Variants in EFCAB6 observed in about 807,000 individuals in gnomAD.
EFCAB6 encodes EF-hand calcium-binding domain-containing protein 6.
Under a neutral mutation model 169.8 loss-of-function variants are expected in EFCAB6, and 156 were observed. The ratio of observed to expected loss-of-function variants is 0.92; its 90% CI spans 0.81 to 1.05. The LOEUF (loss-of-function observed/expected upper bound fraction) is 1.05, where lower values mean the gene tolerates loss of function less well. Ranked by LOEUF, EFCAB6 falls within the 50% of genes least tolerant of loss-of-function variation. EFCAB6 has a pLI of 0.00. For synonymous variants in EFCAB6, 698 were observed against 676.4 expected (o/e 1.03, Z -0.50); for missense variants, 1,800 against 1,829.1 (o/e 0.98, Z 0.29).
chr22:43,590,602 G>A (rs1330675402), intron 23 of EFCAB6, among the ~76,000 whole-genome samples: 1 of 152,190 alleles, frequency 6.6e-6, no homozygotes, highest in Non-Finnish European at 1.5e-5. Context: ...CCTATGACAT[G>A]CCAGATGCTC....
intron 2 of EFCAB6, chr22:43,802,585 C>T (rs940875635): frequency 9.4e-6 from 4 of 424,342 alleles, no homozygotes; most frequent in African/African-American, 6.3e-5. Flanking sequence ...GATCTGCAAG[C>T]TTGTCTGCTA....
chr22:43,705,222 T>C (rs1314588731), intron 10 of EFCAB6, among the ~76,000 whole-genome samples: 2 of 152,090 alleles, frequency 1.3e-5, no homozygotes, highest in African/African-American at 2.4e-5. Flanking sequence ...CACCTAAATA[T>C]ATAAAGCAAA....
At chr22:43,734,094 A>G (rs1314442554) in intron 7 of EFCAB6, among the ~76,000 whole-genome samples, 5 of 152,134 alleles carry the variant, frequency 3.3e-5, no homozygotes. Context: ...GAGAGCACAG[A>G]CTTCACCTCC....
At position 43,632,107 on chromosome 22, in the gene EFCAB6, G is replaced by A. The variant is rs779631440; in HGVS notation, c.2230C>T (p.Arg744Trp). 3.3e-5 allele frequency: 53 copies of A among 1,613,688 alleles called. No homozygotes were observed. The highest frequency in any genetic ancestry group is 2.5e-4 in the Admixed American group (15 of 59,960). The change falls in exon 19 of 32, where the codon CGG becomes TGG. Residue 744 changes from arginine (R) to tryptophan (W), a missense_variant and splice_region_variant. Coordinates refer to ENST00000262726, the MANE Select transcript of EFCAB6 (RefSeq NM_022785.4). Reference protein sequence around the residue: ...LFPRRLKESFRDPYSAFFKTD... With the variant: ...LFPRRLKESFWDPYSAFFKTD... Reference sequence around the variant, plus strand: ...AGCGCCAGACAGTCACGGTTTACCCGGAATGACTCCTTCAGCCTCCTAGGG... The same window carrying A: ...AGCGCCAGACAGTCACGGTTTACCCAGAATGACTCCTTCAGCCTCCTAGGG...
intron 5 of EFCAB6, among the ~76,000 whole-genome samples, chr22:43,757,264 T>G (rs2060990279): frequency 6.6e-6 from 1 of 152,210 alleles, no homozygotes; most frequent in African/African-American, 2.4e-5. Flanking sequence ...AATTAAAGAA[T>G]AAGCCAAGCA....
intron 10 of EFCAB6, among the ~76,000 whole-genome samples, chr22:43,704,857 A>G (rs938422192): frequency 1.3e-5 from 2 of 152,132 alleles, no homozygotes; most frequent in African/African-American, 4.8e-5. Context: ...CCTACAAAAC[A>G]ACCAGAAAAC....
chr22:43,612,993 C>T (rs973487870), intron 21 of EFCAB6, among the ~76,000 whole-genome samples: 8 of 150,166 alleles, frequency 5.3e-5, no homozygotes, highest in East Asian at 1.9e-4. Context: ...ATTAGTCCAA[C>T]CATTGTGGAA....
chr22:43,654,753 G>A (rs186446575), intron 17 of EFCAB6, among the ~76,000 whole-genome samples: 4 of 152,298 alleles, frequency 2.6e-5, no homozygotes, highest in Admixed American at 2.6e-4. Flanking sequence ...AAGTGAAGAG[G>A]TAAGGAAACG....
At position 43,590,060 on chromosome 22, in the gene EFCAB6, G is replaced by A. The variant is rs757131201; in HGVS notation, c.3032+14C>T. 8 of 1,609,498 alleles carry A rather than the reference G, an allele frequency of 5.0e-6. No individual in the cohort carries two copies. The South Asian group carries it at 7.8e-5, about 16-fold the overall frequency. On this transcript the variant is annotated intron_variant, in intron 24 of 31. Transcript: ENST00000262726. Reference sequence around the variant, plus strand: ...AGGGCCATGAGAAACATATTTAACTGAGTCCAAAAAGACCTGTTTAGCAGA... The same window carrying A: ...AGGGCCATGAGAAACATATTTAACTAAGTCCAAAAAGACCTGTTTAGCAGA...
At chr22:43,784,672 T>TACAC (rs1306822510) in intron 2 of EFCAB6, among the ~76,000 whole-genome samples, 5 of 42,932 alleles carry the variant, frequency 1.2e-4, no homozygotes, top group East Asian at 1.1e-3. Flanking sequence ...TACATATACA[T>TACAC]ATATACACAC....
intron 19 of EFCAB6, among the ~76,000 whole-genome samples, 184 bp downstream of exon 19, chr22:43,631,921 G>A (rs960255742): frequency 6.6e-6 from 1 of 150,604 alleles, no homozygotes; most frequent in African/African-American, 2.5e-5. Flanking sequence ...CCCTCAGGGA[G>A]GGAGGAAGCC....
rs2049977122 is a variant in EFCAB6, at chr22:43,572,863, G to C, written c.3420+3434C>G. Among the ~76,000 whole-genome samples, 1 of 152,236 alleles carries C rather than the reference G, an allele frequency of 6.6e-6. No individual in the cohort carries two copies. The highest frequency in any genetic ancestry group is 2.1e-4 in the South Asian group (1 of 4,828). On this transcript the variant is annotated intron_variant, in intron 26 of 31. Coordinates refer to ENST00000262726, the MANE Select transcript of EFCAB6 (RefSeq NM_022785.4). This position sits in a 1 kb window ranked among gnomAD's most constrained non-coding sequence, Gnocchi z 4.0. ...GCTGCTAAACCTGGCACCCAGCTCAGCGCCTGGTACACATGGGCCATAGGA... is the reference window on the plus strand; with the variant it reads ...GCTGCTAAACCTGGCACCCAGCTCACCGCCTGGTACACATGGGCCATAGGA...
At chr22:43,680,987 C>T (rs1229395580) in intron 12 of EFCAB6, among the ~76,000 whole-genome samples, 1 of 152,176 alleles carries the variant, frequency 6.6e-6, no homozygotes, top group Non-Finnish European at 1.5e-5. Context: ...GTCCAGAACT[C>T]TAGCACAGTG....
At position 43,611,904 on chromosome 22, in the gene EFCAB6, T is replaced by C. The variant is rs1179047617; in HGVS notation, c.2563-3304A>G. On this transcript the variant is annotated intron_variant, in intron 21 of 31. Transcript: ENST00000262726. The stretch of plus-strand genomic sequence containing the variant: ...AAGCTAGAGGCATCAAGTTACCCAA[T>C]TAAAGTATACTACAGGACTACAGTA... Among the ~76,000 whole-genome samples the C allele has an allele frequency of 2.6e-5, 4 of 152,142 alleles. No homozygotes were observed. In the East Asian group the frequency reaches 5.8e-4, roughly 22 times the overall value.
At chr22:43,649,760 T>C (rs2148046027) in intron 17 of EFCAB6, among the ~76,000 whole-genome samples, 1 of 151,990 alleles carries the variant, frequency 6.6e-6, no homozygotes, top group African/African-American at 2.4e-5. Flanking sequence ...ATAAGAGAGC[T>C]GCGGAGGCAA....
rs915782080 is a variant in EFCAB6, at chr22:43,628,116, T to A, written c.2233-1437A>T. 1.2e-4 allele frequency among the ~76,000 whole-genome samples: 19 copies of A among 152,014 alleles called. No homozygotes were observed. The East Asian group carries it at 3.7e-3, about 30-fold the overall frequency. On this transcript the variant is annotated intron_variant, in intron 19 of 31. Coordinates refer to ENST00000262726, the MANE Select transcript of EFCAB6 (RefSeq NM_022785.4). The surrounding 1 kb of genome is among the most constrained non-coding windows in gnomAD (Gnocchi z 4.8). ...ACCCACAGCCTCACATCTCCAGTGG[T>A]CTGGGGGCATTTTCTCTGGGATGTC...
chr22:43,728,743 A>G (rs2059829766), intron 8 of EFCAB6, among the ~76,000 whole-genome samples: 1 of 152,022 alleles, frequency 6.6e-6, no homozygotes, highest in Non-Finnish European at 1.5e-5. Context: ...TCCTTCACCC[A>G]CTTTTTGATG....
At chr22:43,607,654 T>C (rs1303821165) in intron 22 of EFCAB6, among the ~76,000 whole-genome samples, 1 of 152,212 alleles carries the variant, frequency 6.6e-6, no homozygotes, top group African/African-American at 2.4e-5. Context: ...AATTCTAAAC[T>C]TGGCCAACAT....
rs150612043 is a variant in EFCAB6 at position 43,667,176 on chromosome 22, C to A, written c.1911G>T (p.Pro637=). Residue 637 remains proline (P), a synonymous_variant, in exon 17 of 32, where the codon CCG becomes CCT. Transcript: ENST00000262726. The part of the protein sequence containing the change: ...KFKKCIQQQD[P]AFKKRFLDFS... ...AGTCAAGAAATCGTTTTTTGAATGC[C>A]GGGTCCTGCTGCTGTATACACTTTT... The A allele has an allele frequency of 3.3e-5, 54 of 1,613,806 alleles. No homozygotes were observed. Among genetic ancestry groups the A allele is most frequent in the Non-Finnish European group, 4.2e-5 (50 of 1,179,978 alleles).
Sources: allele counts gnomAD v4.1 joint callset (sites outside exome capture counted in the v4.1 genomes callset), GRCh38; gene constraint gnomAD v4.1.1; non-coding constraint Gnocchi (gnomAD v3.1); transcripts MANE v1.5; gene names NCBI Gene and HGNC (gene_info 2026-07-23, HGNC 2026-07-21).